AQP9: variants seen among roughly 807,000 people sequenced by gnomAD.
The protein encoded by AQP9 is aquaporin-9.
Under a neutral mutation model 23.8 loss-of-function variants are expected in AQP9, and 19 were observed. The observed-to-expected ratio is 0.80, with a 90% CI of 0.56 to 1.17. The LOEUF (loss-of-function observed/expected upper bound fraction) is 1.17. Ranked by LOEUF, AQP9 falls within the 50% of genes most tolerant of loss-of-function variation. AQP9 has a pLI of 0.00. For synonymous variants in AQP9, 153 were observed against 131.5 expected (o/e 1.16, Z -1.12); for missense variants, 413 against 362.0 (o/e 1.14, Z -1.14).
chr15:58,139,605 G>A (rs567524740), intron 1 of AQP9, among the ~76,000 whole-genome samples: 11 of 152,260 alleles, frequency 7.2e-5, no homozygotes, highest in African/African-American at 2.6e-4. Context: ...ATAGAGAATA[G>A]CCCATAAACT....
intron 4 of AQP9, among the ~76,000 whole-genome samples, chr15:58,177,518 T>C (rs1460670737): frequency 6.6e-6 from 1 of 152,234 alleles, no homozygotes; most frequent in Non-Finnish European, 1.5e-5. Context: ...AAAATTATTT[T>C]AACATTATTA....
chr15:58,143,107 T>A (rs1897979391), intron 1 of AQP9, among the ~76,000 whole-genome samples: 1 of 152,220 alleles, frequency 6.6e-6, no homozygotes, highest in South Asian at 2.1e-4. Context: ...CATCAGAGGA[T>A]GTCTACCGTC....
intron 1 of AQP9, chr15:58,154,391 T>A (rs1261290005): frequency 2.0e-5 from 3 of 152,134 alleles, no homozygotes; most frequent in African/African-American, 7.2e-5. Context: ...CTAATCTTAA[T>A]TACCTAATCA....
At chr15:58,164,091 A>G (rs1267344457) in intron 1 of AQP9, 2 of 152,370 alleles carry the variant, frequency 1.3e-5, no homozygotes, top group African/African-American at 2.4e-5. Context: ...CACTCCTCCT[A>G]TTTCCTGCAG....
rs753410663 is a variant in AQP9 at position 58,184,011 on chromosome 15, C to G, written c.764C>G (p.Ala255Gly). 3.1e-6 allele frequency: 5 copies of G among 1,614,100 alleles called. No homozygotes were observed. The highest frequency in any genetic ancestry group is 4.2e-6 in the Non-Finnish European group (5 of 1,180,012). The stretch of plus-strand genomic sequence containing the variant: ...CCTGTAGTGGGCCCTTTGGTTGGTG[C>G]TGTCATTGGAGGCCTCATCTATGTT... ...WIPVVGPLVGAVIGGLIYVLV... is the reference protein window; with the variant it reads ...WIPVVGPLVGGVIGGLIYVLV... Residue 255 changes from alanine (A) to glycine (G), a missense_variant, in exon 6 of 6, where the codon GCT becomes GGT. Physicochemically the swap from Ala to Gly is moderately conservative, Grantham distance 60. Transcript: ENST00000219919.
intron 1 of AQP9, among the ~76,000 whole-genome samples, chr15:58,148,145 C>G (rs1441781264): frequency 6.6e-6 from 1 of 152,174 alleles, no homozygotes; most frequent in Non-Finnish European, 1.5e-5. Context: ...CTTTTCAAAG[C>G]ATTTTTGTAG....
At chr15:58,163,737 G>A (rs1335609209) in intron 1 of AQP9, among the ~76,000 whole-genome samples, 1 of 152,078 alleles carries the variant, frequency 6.6e-6, no homozygotes, top group Non-Finnish European at 1.5e-5. Context: ...AGGGAATCAC[G>A]ATGGAACTTT....
At chr15:58,180,418 A>G (rs1566991618) in intron 5 of AQP9, among the ~76,000 whole-genome samples, 1 of 152,224 alleles carries the variant, frequency 6.6e-6, no homozygotes, top group Non-Finnish European at 1.5e-5. Context: ...CACCACAGAT[A>G]GCACTCAGAG....
chr15:58,139,435 C>A (rs143292373), intron 1 of AQP9, among the ~76,000 whole-genome samples: 1 of 152,192 alleles, frequency 6.6e-6, no homozygotes, highest in Admixed American at 6.5e-5. Flanking sequence ...TTTTGCTGCA[C>A]GTTCTAGCAT....
intron 1 of AQP9, among the ~76,000 whole-genome samples, chr15:58,163,635 G>A (rs1898433525): frequency 6.6e-6 from 1 of 152,142 alleles, no homozygotes; most frequent in South Asian, 2.1e-4. Flanking sequence ...TCTAGATAGG[G>A]AGACCAGGAA....
intron 4 of AQP9, among the ~76,000 whole-genome samples, chr15:58,177,584 T>C (rs185959492): frequency 6.6e-6 from 1 of 152,352 alleles, no homozygotes; most frequent in Admixed American, 6.5e-5. Flanking sequence ...AGTTGCCTGG[T>C]TCCCATCCTG....
chr15:58,149,744 C>T (rs1190412758), intron 1 of AQP9, among the ~76,000 whole-genome samples: 1 of 152,198 alleles, frequency 6.6e-6, no homozygotes, highest in East Asian at 1.9e-4. Flanking sequence ...CCAAGGTTTG[C>T]AGAGAGTGCT....
intron 1 of AQP9, among the ~76,000 whole-genome samples, chr15:58,142,139 G>A (rs1247526608): frequency 6.6e-6 from 1 of 152,136 alleles, no homozygotes; most frequent in Non-Finnish European, 1.5e-5. Context: ...CTCGCCCTTG[G>A]ACTTCCACTG....
chr15:58,140,705 A>C (rs1390501928), intron 1 of AQP9, among the ~76,000 whole-genome samples: 1 of 152,232 alleles, frequency 6.6e-6, no homozygotes. Flanking sequence ...GGCAAAGGGA[A>C]GGGGAACATC....
intron 1 of AQP9, among the ~76,000 whole-genome samples, chr15:58,145,861 T>C (rs1379429951): frequency 6.6e-6 from 1 of 152,206 alleles, no homozygotes; most frequent in Non-Finnish European, 1.5e-5. Flanking sequence ...TCTGAATGTG[T>C]CTATTTCATG....
In AQP9 at chr15:58,184,395, A is replaced by C; in HGVS notation, c.*260A>C. Reference sequence around the variant, plus strand: ...CCTTCTCTCCTGCCCTGTTTATTTCATCCTCGATGGGAATTCTTGCTAGGT... The same window carrying C: ...CCTTCTCTCCTGCCCTGTTTATTTCCTCCTCGATGGGAATTCTTGCTAGGT... On this transcript the variant is annotated 3_prime_UTR_variant, in exon 6 of 6. Coordinates refer to ENST00000219919, the MANE Select transcript of AQP9 (RefSeq NM_020980.5). 5.7e-6 allele frequency: 2 copies of C among 350,748 alleles called. No individual in the cohort carries two copies. Among genetic ancestry groups the C allele is most frequent in the East Asian group, 4.6e-5 (1 of 21,906 alleles). 21.7% of individuals were successfully genotyped at this position (350,748 alleles called of 1,614,324 possible).
At position 58,138,478 on chromosome 15, in the gene AQP9, C is replaced by A; in HGVS notation, c.-88C>A. On this transcript the variant is annotated 5_prime_UTR_variant, in exon 1 of 6. Coordinates refer to ENST00000219919, the MANE Select transcript of AQP9 (RefSeq NM_020980.5). The stretch of plus-strand genomic sequence containing the variant: ...TCTCCAGGAATCTGTGAGCCATTGT[C>A]AAAACGTCCATTTTCATCTGGCTGT... 1.9e-6 allele frequency: 2 copies of A among 1,032,948 alleles called. No individual in the cohort carries two copies. Among genetic ancestry groups the A allele is most frequent in the South Asian group, 1.5e-5 (1 of 68,694 alleles). 64.0% of individuals were successfully genotyped at this position (1,032,948 alleles called of 1,614,324 possible).
chr15:58,176,344 C>A (rs987714830), intron 4 of AQP9, among the ~76,000 whole-genome samples: 1 of 151,968 alleles, frequency 6.6e-6, no homozygotes, highest in Admixed American at 6.6e-5. Context: ...ATGGCAAAAC[C>A]CTGCCTCTAC....
chr15:58,145,219 T>G (rs1171194687), intron 1 of AQP9, among the ~76,000 whole-genome samples: 1 of 151,814 alleles, frequency 6.6e-6, no homozygotes, highest in African/African-American at 2.4e-5. Flanking sequence ...TATTTACCCT[T>G]AGGCTGGGCA....
Sources: allele counts gnomAD v4.1 joint callset (sites outside exome capture counted in the v4.1 genomes callset), GRCh38; gene constraint gnomAD v4.1.1; transcripts MANE v1.5; gene names NCBI Gene and HGNC (gene_info 2026-07-23, HGNC 2026-07-21).